TP63: variants seen among roughly 807,000 people sequenced by gnomAD.
TP63 encodes the protein tumor protein p63.
A neutral mutation model predicts 82.8 loss-of-function variants in TP63; 17 were observed. That is an observed-to-expected ratio of 0.21 (90% confidence interval 0.14 to 0.31). TP63 has a LOEUF of 0.31. Ranked by LOEUF, TP63 falls within the 10% of genes least tolerant of loss-of-function variation. The probability of loss-of-function intolerance (pLI) is 1.00; values close to 1 mark genes in which losing one functional copy is unlikely to be tolerated. For missense variants in TP63, 648 were observed against 895.3 expected, an observed-to-expected ratio of 0.72 and a Z score of 3.52; for synonymous variants, 330 against 321.7, an observed-to-expected ratio of 1.03 and a Z score of -0.28.
chr3:189,853,796 C>T (rs1335238708), intron 4 of TP63, among the ~76,000 whole-genome samples: 1 of 152,106 alleles, frequency 6.6e-6, no homozygotes, highest in Non-Finnish European at 1.5e-5. Context: ...AAAACAGAGC[C>T]TTGGTAATAG....
In TP63 at chr3:189,815,628, G is replaced by A. The variant is rs139635151; in HGVS notation, c.579+7102G>A. ...AATGATGATACTAATTCAAAAAAAA[G>A]TTGTAAAACACTACAGGCCAAACAA... On this transcript the variant is annotated intron_variant, in intron 4 of 13. Transcript: ENST00000264731. Among the ~76,000 whole-genome samples, 43 of 152,206 alleles carry A rather than the reference G, an allele frequency of 2.8e-4. No individual in the cohort carries two copies. The East Asian group carries it at 7.5e-3, about 27-fold the overall frequency.
At chr3:189,679,687 C>T (rs981361088) in intron 1 of TP63, among the ~76,000 whole-genome samples, 3 of 151,998 alleles carry the variant, frequency 2.0e-5, no homozygotes, top group African/African-American at 7.2e-5. Context: ...TTTGGTGTCA[C>T]ATTCAAAAAA....
chr3:189,621,072 T>TTC, the TP63 span, among the ~76,000 whole-genome samples: 1 of 152,212 alleles, frequency 6.6e-6, no homozygotes, highest in Non-Finnish European at 1.5e-5. Flanking sequence ...TGACTAAAGC[T>TTC]TCTCCAGGAA....
At chr3:189,864,196 C>G (rs1164128874) in intron 4 of TP63, 36 bp from the exon 5 acceptor site, 45 of 1,604,332 alleles carry the variant, frequency 2.8e-5, no homozygotes, top group Non-Finnish European at 3.7e-5. Flanking sequence ...TGTTGGTTCT[C>G]TCCTTCCTTT....
intron 1 of TP63, among the ~76,000 whole-genome samples, chr3:189,703,649 A>G (rs1331904406): frequency 3.3e-5 from 5 of 152,222 alleles, no homozygotes; most frequent in African/African-American, 7.2e-5. Context: ...ATCCTTACAT[A>G]CTATACTAAT....
At chr3:189,708,783 T>A (rs1009801196) in intron 1 of TP63, among the ~76,000 whole-genome samples, 1 of 152,138 alleles carries the variant, frequency 6.6e-6, no homozygotes, top group African/African-American at 2.4e-5. Context: ...CTAAAAAAAA[T>A]AATATGCGAA....
chr3:189,775,546 A>G (rs899189520), intron 3 of TP63, among the ~76,000 whole-genome samples: 4 of 152,086 alleles, frequency 2.6e-5, no homozygotes, highest in African/African-American at 9.7e-5. Flanking sequence ...TGCTCTTTGG[A>G]TCGAGTTTTT....
rs146083960 is a variant in TP63, at chr3:189,885,717, T to C, written c.1350-677T>C. On this transcript the variant is annotated intron_variant, in intron 10 of 13. Transcript: ENST00000264731. ...TTTTTCTGTTGCTTTGTTTTTTTCATTTCTCCCAGGAGACTTTTGGAAAGT... is the reference window on the plus strand; with the variant it reads ...TTTTTCTGTTGCTTTGTTTTTTTCACTTCTCCCAGGAGACTTTTGGAAAGT... Among the ~76,000 whole-genome samples, 43 of 152,334 alleles carry C rather than the reference T, an allele frequency of 2.8e-4. No individual in the cohort carries two copies. In the East Asian group the frequency reaches 7.3e-3, roughly 26 times the overall value.
At chr3:189,736,384 G>A (rs201568151) in intron 1 of TP63, among the ~76,000 whole-genome samples, 1 of 151,988 alleles carries the variant, frequency 6.6e-6, no homozygotes. Context: ...TTCCATTATA[G>A]TGTTTTGTTT....
At chr3:189,649,834 G>A (rs1161077882) in intron 1 of TP63, among the ~76,000 whole-genome samples, 5 of 146,626 alleles carry the variant, frequency 3.4e-5, no homozygotes, top group African/African-American at 1.0e-4. Context: ...ATAAGAACAG[G>A]GAAATAGGAG....
At chr3:189,796,934 T>C (rs1725767852) in intron 3 of TP63, among the ~76,000 whole-genome samples, 2 of 152,116 alleles carry the variant, frequency 1.3e-5, no homozygotes, top group Admixed American at 6.6e-5. Context: ...GATCATTGTA[T>C]GGATTCGAGC....
chr3:189,722,082 A>G (rs1378425688), intron 1 of TP63, among the ~76,000 whole-genome samples: 1 of 152,184 alleles, frequency 6.6e-6, no homozygotes, highest in African/African-American at 2.4e-5. Context: ...GCTTAAGAGG[A>G]GAGTAGGAAA....
chr3:189,608,787 A>G, the TP63 span, among the ~76,000 whole-genome samples: 5,791 of 152,156 alleles, frequency 0.038, 133 homozygotes, highest in Middle Eastern at 0.061. Context: ...CAGGATTACA[A>G]TTAATAATAT....
chr3:189,740,660 C>T (rs1018236512), intron 3 of TP63, among the ~76,000 whole-genome samples: 4 of 151,860 alleles, frequency 2.6e-5, no homozygotes, highest in African/African-American at 7.3e-5. Context: ...CCACCACACC[C>T]GGCTGATTTT....
chr3:189,821,860 A>G (rs1728828269), intron 4 of TP63, among the ~76,000 whole-genome samples: 1 of 152,234 alleles, frequency 6.6e-6, no homozygotes, highest in Non-Finnish European at 1.5e-5. Context: ...TACTTACAGT[A>G]TATCTTTTTT....
chr3:189,643,809 G>A (rs1310419712), intron 1 of TP63, among the ~76,000 whole-genome samples: 3 of 152,180 alleles, frequency 2.0e-5, no homozygotes, highest in Admixed American at 6.5e-5. Flanking sequence ...GCGGTGGACA[G>A]GAGAAGAAAC....
intron 3 of TP63, among the ~76,000 whole-genome samples, chr3:189,747,152 G>A (rs1309779796): frequency 6.6e-6 from 1 of 152,042 alleles, no homozygotes; most frequent in South Asian, 2.1e-4. Context: ...TACAGTAATA[G>A]TTGGGAACTT....
intron 1 of TP63, 117 bp downstream of exon 1, chr3:189,631,694 T>C (rs954254227): frequency 6.3e-6 from 10 of 1,593,374 alleles, no homozygotes; most frequent in African/African-American, 5.4e-5. Context: ...CACAGTGATA[T>C]TATTTTGGAC....
upstream of TP63, among the ~76,000 whole-genome samples, chr3:189,626,763 G>A (rs1015059403): frequency 5.3e-5 from 8 of 151,990 alleles, no homozygotes; most frequent in African/African-American, 1.4e-4. Flanking sequence ...TCTGACTTAC[G>A]CCTACAGTGG....
Sources: gnomAD v4.1 joint callset for allele counts (sites outside exome capture counted in the v4.1 genomes callset) on GRCh38, gnomAD v4.1.1 for gene constraint, MANE v1.5 for transcripts, NCBI Gene and HGNC (gene_info 2026-07-23, HGNC 2026-07-21) for gene names.